IL4R: variants seen among roughly 807,000 people sequenced by gnomAD.
IL4R encodes the protein interleukin 4 receptor, also known as interleukin-4 receptor subunit alpha.
In IL4R, 17 loss-of-function variants were observed where a neutral mutation model predicts 41.5. That is an observed-to-expected ratio of 0.41 (90% CI 0.28 to 0.61). IL4R has a LOEUF of 0.61. Among genes scored for constraint, IL4R ranks in the 20% least tolerant of loss-of-function variants. The pLI is 0.31. For synonymous variants in IL4R, 402 were observed against 422.9 expected, an observed-to-expected ratio of 0.95 and a Z score of 0.61; for missense variants, 974 against 1,043.1, an observed-to-expected ratio of 0.93 and a Z score of 0.91.
At position 27,340,249 on chromosome 16, in the gene IL4R, G is replaced by A; in HGVS notation, c.46G>A (p.Val16Ile). The change falls in exon 3 of 11, where the codon GTC (valine) becomes ATC (isoleucine). Residue 16 changes from valine (V) to isoleucine (I), a missense_variant. Coordinates refer to ENST00000395762, the MANE Select transcript of IL4R (RefSeq NM_000418.4). ...GCTCCTGTTCCCTGTGAGCTGCCTGGTCCTGCTGCAGGTGGCAAGCTCTGG... is the reference window on the plus strand; with the variant it reads ...GCTCCTGTTCCCTGTGAGCTGCCTGATCCTGCTGCAGGTGGCAAGCTCTGG... Reference protein sequence around the residue: ...SGLLFPVSCLVLLQVASSGNM... With the variant: ...SGLLFPVSCLILLQVASSGNM... The A allele has an allele frequency of 6.2e-7, 1 of 1,614,018 alleles. No homozygotes were observed. Among genetic ancestry groups the A allele is most frequent in the East Asian group, 2.2e-5 (1 of 44,876 alleles).
chr16:27,355,113 T>A, intron 7 of IL4R: 1 of 417,176 alleles, frequency 2.4e-6, no homozygotes, highest in East Asian at 7.6e-5. Context: ...CCCACTCTTG[T>A]GGAGCTGACA....
intron 6 of IL4R, among the ~76,000 whole-genome samples, chr16:27,349,562 GA>G (rs2085790288): frequency 6.6e-6 from 1 of 152,176 alleles, no homozygotes; most frequent in Non-Finnish European, 1.5e-5. Context: ...AAAATTCATG[GA>G]ATGTTTGAGG....
At chr16:27,336,335 A>G (rs190851270) in intron 2 of IL4R, among the ~76,000 whole-genome samples, 3 of 152,244 alleles carry the variant, frequency 2.0e-5, no homozygotes, top group Non-Finnish European at 2.9e-5. Flanking sequence ...CTGAACACCC[A>G]TTGATTTTGC....
At chr16:27,313,951 G>T (rs1429352749), upstream of IL4R, 1 of 984,560 alleles carries the variant, frequency 1.0e-6, no homozygotes, top group African/African-American at 1.8e-5. Flanking sequence ...GCGGGCCAGG[G>T]AAGGGCCACC....
At chr16:27,344,700 G>A (rs957488964) in intron 4 of IL4R, among the ~76,000 whole-genome samples, 169 bp from the exon 5 acceptor site, 2 of 152,182 alleles carry the variant, frequency 1.3e-5, no homozygotes, top group Admixed American at 6.5e-5. Flanking sequence ...AACCCTAGTC[G>A]GCTGCCCCAG....
At chr16:27,322,135 C>T (rs954064691) in intron 1 of IL4R, among the ~76,000 whole-genome samples, 14 of 151,268 alleles carry the variant, frequency 9.3e-5, no homozygotes, top group African/African-American at 3.4e-4. Context: ...TACCTCCCAC[C>T]GTAATACAAT....
chr16:27,318,975 A>T (rs2084729889), intron 1 of IL4R, among the ~76,000 whole-genome samples: 1 of 152,228 alleles, frequency 6.6e-6, no homozygotes, highest in Non-Finnish European at 1.5e-5. Context: ...GGCTGGGGAC[A>T]CGGGAATGAG....
At position 27,362,344 on chromosome 16, in the gene IL4R, T is replaced by C. The variant is rs748341535; in HGVS notation, c.992T>C (p.Met331Thr). ...DEDPHKAAKE[M>T]PFQGSGKSAW... ...GATCCTCACAAGGCTGCCAAAGAGA[T>C]GCCTTTCCAGGGCTCTGGAAAATCA... Residue 331 changes from methionine to threonine, a missense_variant, in exon 11 of 11, where the codon ATG becomes ACG. Met to Thr is a moderately conservative substitution (Grantham distance 81, BLOSUM62 -1). This residue lies in a region of IL4R where 682 missense variants were observed against 704.3 expected (regional missense o/e 0.97). Transcript: ENST00000395762. 6.2e-7 allele frequency: 1 copy of C among 1,614,166 alleles called. No homozygotes were observed.
chr16:27,316,423 C>T (rs1055305442), intron 1 of IL4R, among the ~76,000 whole-genome samples: 32 of 152,142 alleles, frequency 2.1e-4, no homozygotes, highest in African/African-American at 6.8e-4. Flanking sequence ...CTACCTCCCC[C>T]ATCTCCCTGC....
chr16:27,324,357 G>A (rs188754783), intron 1 of IL4R, among the ~76,000 whole-genome samples: 72 of 152,332 alleles, frequency 4.7e-4, no homozygotes, highest in African/African-American at 1.6e-3. Context: ...GCAGGGAGAG[G>A]TGGAAAATTG....
At chr16:27,336,019 C>A (rs2085250110) in intron 2 of IL4R, among the ~76,000 whole-genome samples, 1 of 152,026 alleles carries the variant, frequency 6.6e-6, no homozygotes, top group South Asian at 2.1e-4. Flanking sequence ...GTAATTTATT[C>A]ATTATGGAGA....
upstream of IL4R, chr16:27,313,915 C>A: frequency 1.0e-6 from 1 of 984,690 alleles, no homozygotes; most frequent in Non-Finnish European, 1.2e-6. Context: ...GGCTGGGTCT[C>A]CGCGCCCAGG....
chr16:27,363,600 G>A lies in IL4R; in HGVS notation c.2248G>A (p.Asp750Asn), dbSNP rs750480828. The change falls in exon 11 of 11, where the codon GAC (aspartate) becomes AAC (asparagine). Residue 750 changes from aspartate (D) to asparagine (N), a missense_variant. Transcript: ENST00000395762. ...ASPCCGCCCG[D>N]RSSPPTTPLR... ...TCCTTGCTGTGGCTGCTGCTGTGGA[G>A]ACAGGTCCTCGCCCCCTACAACCCC... is the stretch of plus-strand genomic sequence containing the variant. 30 of 1,613,940 alleles carry A rather than the reference G, an allele frequency of 1.9e-5. No homozygotes were observed. Among genetic ancestry groups the A allele is most frequent in the Non-Finnish European group, 2.5e-5 (30 of 1,180,010 alleles).
chr16:27,325,599 T>C (rs920526738), intron 1 of IL4R, among the ~76,000 whole-genome samples: 8 of 149,114 alleles, frequency 5.4e-5, no homozygotes, highest in African/African-American at 2.0e-4. Context: ...ACCTTCAGAA[T>C]CATAAAATGG....
At chr16:27,325,298 G>A (rs929174555) in intron 1 of IL4R, among the ~76,000 whole-genome samples, 6 of 151,988 alleles carry the variant, frequency 3.9e-5, no homozygotes, top group Admixed American at 6.6e-5. Flanking sequence ...TCTGCCAGAC[G>A]CAGTGGCTCA....
intron 6 of IL4R, among the ~76,000 whole-genome samples, chr16:27,350,883 G>A (rs1453088453): frequency 6.6e-6 from 1 of 152,208 alleles, no homozygotes; most frequent in Admixed American, 6.5e-5. Context: ...GAGGGCATGT[G>A]CATCCTTTAG....
chr16:27,341,397 C>G (rs1359328495), intron 3 of IL4R: 1 of 570,494 alleles, frequency 1.8e-6, no homozygotes, highest in Non-Finnish European at 3.1e-6. Flanking sequence ...TAAGACAGCT[C>G]CTTAACATGG....
intron 4 of IL4R, among the ~76,000 whole-genome samples, chr16:27,344,601 C>T (rs1226334150): frequency 6.6e-6 from 1 of 152,190 alleles, no homozygotes; most frequent in African/African-American, 2.4e-5. Flanking sequence ...CAGGAACAAG[C>T]TAAGTCCCAG....
chr16:27,351,457 C>T (rs910462431), intron 6 of IL4R, among the ~76,000 whole-genome samples: 35 of 150,662 alleles, frequency 2.3e-4, no homozygotes, highest in South Asian at 6.3e-4. Flanking sequence ...TGGGGATCAT[C>T]GGGGCCATCT....
Sources: gnomAD v4.1 joint callset for allele counts (sites outside exome capture counted in the v4.1 genomes callset) on GRCh38, gnomAD v4.1.1 for gene constraint, gnomAD v4.1.1 regional missense constraint, MANE v1.5 for transcripts, NCBI Gene and HGNC (gene_info 2026-07-23, HGNC 2026-07-21) for gene names.